Variants in PRDM7 observed in about 807,000 individuals in gnomAD.
The protein encoded by PRDM7 is histone-lysine N-methyltransferase PRDM7.
In PRDM7, 52 loss-of-function variants were observed where a neutral mutation model predicts 64.3. The ratio of observed to expected loss-of-function variants is 0.81; its 90% confidence interval spans 0.65 to 1.02. The LOEUF (loss-of-function observed/expected upper bound fraction) is 1.02. Among genes scored for constraint, PRDM7 ranks in the 50% least tolerant of loss-of-function variants. PRDM7 has a pLI of 0.00. For synonymous variants in PRDM7, 192 were observed against 210.1 expected, an observed-to-expected ratio of 0.91 and a Z score of 0.74; for missense variants, 574 against 597.1, an observed-to-expected ratio of 0.96 and a Z score of 0.40.
At chr16:90,063,561 A>C in intron 6 of PRDM7, 51 bp downstream of exon 6, 1 of 1,599,098 alleles carries the variant, frequency 6.3e-7, no homozygotes, top group Non-Finnish European at 8.6e-7. Context: ...ATACTCACCA[A>C]CCTTTCTAGA....
chr16:90,076,197 G>C (rs2038034181), intron 1 of PRDM7, among the ~76,000 whole-genome samples: 2 of 152,152 alleles, frequency 1.3e-5, no homozygotes, highest in South Asian at 4.1e-4. Flanking sequence ...AATGTAAGCT[G>C]GATTTTGTTC....
chr16:90,060,251 G>A (rs1375783776), intron 10 of PRDM7, 90 bp downstream of exon 10: 23 of 1,594,860 alleles, frequency 1.4e-5, no homozygotes, highest in African/African-American at 1.2e-4. Flanking sequence ...TTTAGACGGC[G>A]TTTTACTCTA....
In PRDM7 at chr16:90,062,474, C is replaced by A. The variant is rs971479775; in HGVS notation, c.537G>T (p.Lys179Asn). The change falls in exon 7 of 11, where the codon AAG becomes AAT. Residue 179 changes from lysine to asparagine, a missense_variant. Coordinates refer to ENST00000449207, the MANE Select transcript of PRDM7 (RefSeq NM_001098173.2). ...CCTTTCTTTCTCGCAGGCTATACATCTTTCCTTCAGTCTCCTTCCTCCTGA... is the reference window on the plus strand; with the variant it reads ...CCTTTCTTTCTCGCAGGCTATACATATTTCCTTCAGTCTCCTTCCTCCTGA... ...LELRRKETEG[K>N]MYSLRERKGH... is the part of the protein sequence containing the mutation. 2 of 1,614,022 alleles carry A rather than the reference C, an allele frequency of 1.2e-6. No homozygotes were observed. The highest frequency in any genetic ancestry group is 2.7e-5 in the African/African-American group (2 of 74,914).
rs935835318 is a variant in PRDM7 at position 90,075,468 on chromosome 16, C to A, written c.76G>T (p.Asp26Tyr). 2 of 1,614,048 alleles carry A rather than the reference C, an allele frequency of 1.2e-6. No individual in the cohort carries two copies. The highest frequency in any genetic ancestry group is 1.3e-5 in the African/African-American group (1 of 74,906). ...TATATGGAAATGTCTTTGAAGGCAT[C>A]TTTGACCTAGAGGAAGTAACAGATT... Reference protein sequence around the residue: ...ERTERKPMVKDAFKDISIYFT... With the variant: ...ERTERKPMVKYAFKDISIYFT... The change falls in exon 3 of 11, where the codon GAT becomes TAT. Residue 26 changes from aspartate to tyrosine, a missense_variant. Coordinates refer to ENST00000449207, the MANE Select transcript of PRDM7 (RefSeq NM_001098173.2). This position sits in a 1 kb window ranked among gnomAD's most constrained non-coding sequence, Gnocchi z 4.3.
Position 90,062,557 on chromosome 16 carries a change from G to A in PRDM7, c.509-55C>T, listed in dbSNP as rs1038353647. 10 of 1,417,370 alleles carry A rather than the reference G, an allele frequency of 7.1e-6. No homozygotes were observed. In the African/African-American group the frequency reaches 1.4e-4, roughly 20 times the overall value. The allele number at this position is 1,417,370 out of a possible 1,614,324, so 87.8% of individuals were successfully genotyped here. A position where few individuals can be genotyped will look rare whatever the true frequency, so the allele number is the denominator to read the frequency against. On this transcript the variant is annotated intron_variant, in intron 6 of 10. Transcript: ENST00000449207. Reference sequence around the variant, plus strand: ...TTGGGAGTCTGGGGTGTTTGTCCTTGTTTCATAAGAAAATGTGAAATCTCC... The same window carrying A: ...TTGGGAGTCTGGGGTGTTTGTCCTTATTTCATAAGAAAATGTGAAATCTCC...
chr16:90,057,772 T>G lies in PRDM7; in HGVS notation c.*517A>C. 2 of 1,324,986 alleles carry G rather than the reference T, an allele frequency of 1.5e-6. No homozygotes were observed. Among genetic ancestry groups the G allele is most frequent in the South Asian group, 2.5e-5 (2 of 79,274 alleles). 82.1% of individuals were successfully genotyped at this position (1,324,986 alleles called of 1,614,324 possible). The stretch of plus-strand genomic sequence containing the variant: ...CTGAAGCCACCTCAGAGCTGGGGTG[T>G]GCAAGTGTGTGGTGATCACGTTTGT... On this transcript the variant is annotated 3_prime_UTR_variant, in exon 11 of 11. Coordinates refer to ENST00000449207, the MANE Select transcript of PRDM7 (RefSeq NM_001098173.2).
At position 90,063,631 on chromosome 16, in the gene PRDM7, C is replaced by T. The variant is rs767662794; in HGVS notation, c.489G>A (p.Gln163=). 5.9e-5 allele frequency: 96 copies of T among 1,613,502 alleles called. No homozygotes were observed. The highest frequency in any genetic ancestry group is 9.3e-5 in the African/African-American group (7 of 74,884). The change falls in exon 6 of 11, where the codon CAG becomes CAA. Residue 163 remains glutamine (Q), a synonymous_variant. Coordinates refer to ENST00000449207, the MANE Select transcript of PRDM7 (RefSeq NM_001098173.2). The part of the protein sequence containing the change: ...SPPGEASTSG[Q]HSRLKLELRR... ...TCTTACCCAGTTTTAGTCTAGAGTG[C>T]TGTCCAGAGGTACTTGCTTCTCCAG...
chr16:90,059,839 G>A (rs1010615434), intron 10 of PRDM7, among the ~76,000 whole-genome samples: 1 of 152,146 alleles, frequency 6.6e-6, no homozygotes, highest in Non-Finnish European at 1.5e-5. Context: ...GTATTCGTAC[G>A]GTTCCCTAAT....
intron 4 of PRDM7, among the ~76,000 whole-genome samples, chr16:90,073,208 G>T (rs56359293): frequency 0.028 from 4,324 of 152,168 alleles, 154 homozygotes; most frequent in African/African-American, 0.077. Flanking sequence ...ATAGTATGAT[G>T]AAATGTACAT....
Position 90,074,958 on chromosome 16 carries a change from C to T in PRDM7, c.259G>A (p.Asp87Asn). The T allele has an allele frequency of 1.2e-6, 2 of 1,614,168 alleles. No individual in the cohort carries two copies. The highest frequency in any genetic ancestry group is 1.7e-6 in the Non-Finnish European group (2 of 1,180,032). ...CATTCTTCATCGGAATCTTCTGTGT[C>T]ATCCACCTGGAGTTTGATGGCCTGC... ...RRQAIKLQVD[D>N]TEDSDEEWTP... Residue 87 changes from aspartate to asparagine, a missense_variant, in exon 4 of 11, where the codon GAC (aspartate) becomes AAC (asparagine). Coordinates refer to ENST00000449207, the MANE Select transcript of PRDM7 (RefSeq NM_001098173.2).
Position 90,066,867 on chromosome 16 carries a change from G to A in PRDM7, c.345C>T (p.His115=). 3.8e-6 allele frequency: 6 copies of A among 1,592,148 alleles called. No homozygotes were observed. Among genetic ancestry groups the A allele is most frequent in the African/African-American group, 1.4e-5 (1 of 72,994 alleles). ...WMAFRGEQSK[H]QKGMPKASFN... The stretch of plus-strand genomic sequence containing the variant: ...GGATTTGGGAGATACTTACCTTCTG[G>A]TGTTTACTCTGTTCTCCTCTGAAGG... Residue 115 remains histidine, a synonymous_variant, in exon 5 of 11, where the codon CAC becomes CAT. Coordinates refer to ENST00000449207, the MANE Select transcript of PRDM7 (RefSeq NM_001098173.2).
chr16:90,068,409 G>A (rs2037909165), intron 4 of PRDM7, among the ~76,000 whole-genome samples: 1 of 151,200 alleles, frequency 6.6e-6, no homozygotes, highest in Admixed American at 6.6e-5. Context: ...GCAGAGGTGG[G>A]GGGATCACGA....
chr16:90,066,197 CA>C (rs2151309239), intron 5 of PRDM7, among the ~76,000 whole-genome samples: 1 of 151,380 alleles, frequency 6.6e-6, no homozygotes, highest in African/African-American at 2.5e-5. Context: ...TGAAACCCTT[CA>C]GGGCTGGAAG....
In PRDM7 at chr16:90,075,546, G is replaced by A. The variant is rs1027822615; in HGVS notation, c.70-72C>T. The A allele has an allele frequency of 8.8e-5, 141 of 1,610,938 alleles. No homozygotes were observed. Among genetic ancestry groups the A allele is most frequent in the East Asian group, 2.9e-4 (13 of 44,856 alleles). On this transcript the variant is annotated intron_variant, in intron 2 of 10. Coordinates refer to ENST00000449207, the MANE Select transcript of PRDM7 (RefSeq NM_001098173.2). The surrounding 1 kb of genome is among the most constrained non-coding windows in gnomAD (Gnocchi z 4.3). ...AGCTGGTCCTTTTCCTCTACCCTGC[G>A]TGTAGGGCATAGCCTGGGGCCTCTG...
intron 5 of PRDM7, among the ~76,000 whole-genome samples, chr16:90,064,037 G>A (rs2037830028): frequency 6.6e-6 from 1 of 152,200 alleles, no homozygotes; most frequent in Non-Finnish European, 1.5e-5. Context: ...ACTAGCTGGA[G>A]AATCAGCAAG....
chr16:90,065,744 C>T (rs1184388743), intron 5 of PRDM7, among the ~76,000 whole-genome samples: 2 of 151,392 alleles, frequency 1.3e-5, no homozygotes, highest in African/African-American at 4.9e-5. Flanking sequence ...CAAACTACCC[C>T]CTGCCCCTGT....
chr16:90,058,191 T>G lies in PRDM7; in HGVS notation c.*98A>C, dbSNP rs920735672. 5 of 1,614,128 alleles carry G rather than the reference T, an allele frequency of 3.1e-6. No homozygotes were observed. In the African/African-American group the frequency reaches 6.7e-5, roughly 22 times the overall value. On this transcript the variant is annotated 3_prime_UTR_variant, in exon 11 of 11. Transcript: ENST00000449207. Reference sequence around the variant, plus strand: ...TCACTTTCTGGCCTGTTCTGGACTCTTCTTCCATCATTCTTTCTCCCACTC... The same window carrying G: ...TCACTTTCTGGCCTGTTCTGGACTCGTCTTCCATCATTCTTTCTCCCACTC...
intron 4 of PRDM7, among the ~76,000 whole-genome samples, chr16:90,072,934 T>C (rs1356169894): frequency 6.6e-6 from 1 of 152,198 alleles, no homozygotes; most frequent in African/African-American, 2.4e-5. Context: ...AATCCACAGA[T>C]GGGGAAATCG....
Position 90,057,607 on chromosome 16 carries a change from CAT to C in PRDM7, c.*680_*681del. On this transcript the variant is annotated 3_prime_UTR_variant, in exon 11 of 11. Transcript: ENST00000449207. ...GGGATCAGTGCGGGAAACAACCACACATGTTGACGTCCCCCGAACACTTACAG... is the reference window on the plus strand; with the variant it reads ...GGGATCAGTGCGGGAAACAACCACACGTTGACGTCCCCCGAACACTTACAG... 1 of 799,956 alleles carries C rather than the reference CAT, an allele frequency of 1.3e-6. No homozygotes were observed. Among genetic ancestry groups the C allele is most frequent in the Non-Finnish European group, 1.7e-6 (1 of 601,670 alleles). 49.6% of individuals were successfully genotyped at this position (799,956 alleles called of 1,614,324 possible).
Sources: gnomAD v4.1 joint callset for allele counts (sites outside exome capture counted in the v4.1 genomes callset) on GRCh38, gnomAD v4.1.1 for gene constraint, Gnocchi (gnomAD v3.1) non-coding constraint, MANE v1.5 for transcripts, NCBI Gene and HGNC (gene_info 2026-07-23, HGNC 2026-07-21) for gene names.